Variants in GRM8 observed in about 807,000 individuals in gnomAD.
The protein encoded by GRM8 is metabotropic glutamate receptor 8.
Under a neutral mutation model 87.2 loss-of-function variants are expected in GRM8, and 47 were observed. That is an observed-to-expected ratio of 0.54 (90% CI 0.43 to 0.69). The LOEUF is 0.69. Ranked by LOEUF, GRM8 falls within the 30% of genes least tolerant of loss-of-function variation. GRM8 has a pLI of 0.00. For missense variants in GRM8, 1,019 were observed against 1,139.2 expected, an observed-to-expected ratio of 0.89 and a Z score of 1.52; for synonymous variants, 396 against 404.5, an observed-to-expected ratio of 0.98 and a Z score of 0.25.
intron 2 of GRM8, among the ~76,000 whole-genome samples, chr7:127,161,231 C>A (rs1793094638): frequency 6.6e-6 from 1 of 152,122 alleles, no homozygotes; most frequent in Admixed American, 6.5e-5. Context: ...TAAATCCCAC[C>A]TGTGTGGCCC....
At position 126,533,410 on chromosome 7, in the gene GRM8, C is replaced by G. The variant is rs1217106629; in HGVS notation, c.1972G>C (p.Gly658Arg). The change falls in exon 9 of 11, where the codon GGC becomes CGC. Residue 658 changes from glycine (G) to arginine (R), a missense_variant. Transcript: ENST00000339582. ...AGGGCTGCATAGCTGAAACACATGC[C>G]AAGTCCTAGGAAGACCCGTCGGAAG... ...CSFRRVFLGL[G>R]MCFSYAALLT... The G allele has an allele frequency of 1.2e-6, 2 of 1,613,804 alleles. No homozygotes were observed. Among genetic ancestry groups the G allele is most frequent in the East Asian group, 4.5e-5 (2 of 44,864 alleles).
chr7:126,818,185 A>G (rs1793970832), intron 6 of GRM8, among the ~76,000 whole-genome samples: 1 of 152,186 alleles, frequency 6.6e-6, no homozygotes, highest in South Asian at 2.1e-4. Flanking sequence ...TTAATAGAAC[A>G]TATATTAGTC....
chr7:126,921,176 G>A (rs1804487907), intron 3 of GRM8, among the ~76,000 whole-genome samples: 1 of 152,138 alleles, frequency 6.6e-6, no homozygotes, highest in Non-Finnish European at 1.5e-5. Context: ...TCAGAGACAA[G>A]AAGTGTGTCC....
In GRM8 at chr7:126,653,237, G is replaced by C. The variant is rs372162390; in HGVS notation, c.1358-43739C>G. ...GGATCACTTGATCCCAGGAGTTTGAGGCTGCAGTGAGCTACGATTGCCACT... is the reference window on the plus strand; with the variant it reads ...GGATCACTTGATCCCAGGAGTTTGACGCTGCAGTGAGCTACGATTGCCACT... On this transcript the variant is annotated intron_variant, in intron 7 of 10. Coordinates refer to ENST00000339582, the MANE Select transcript of GRM8 (RefSeq NM_000845.3). Among the ~76,000 whole-genome samples the C allele has an allele frequency of 2.8e-4, 42 of 149,824 alleles. 2 individuals are homozygous for C. In the East Asian group the frequency reaches 6.4e-3, roughly 23 times the overall value.
intron 2 of GRM8, among the ~76,000 whole-genome samples, chr7:127,223,752 C>A (rs572635699): frequency 6.6e-6 from 1 of 152,048 alleles, no homozygotes; most frequent in Non-Finnish European, 1.5e-5. Flanking sequence ...GACTCCTCCT[C>A]CTGGCAGCCA....
At chr7:126,745,229 G>T (rs886908862) in intron 7 of GRM8, among the ~76,000 whole-genome samples, 2 of 151,478 alleles carry the variant, frequency 1.3e-5, no homozygotes, top group East Asian at 3.9e-4. Context: ...TTTTCATTCT[G>T]TTGAGTTTGA....
In GRM8 at chr7:126,482,154, A is replaced by G. The variant is rs1806760555; in HGVS notation, c.2431-35782T>C. On this transcript the variant is annotated intron_variant, in intron 9 of 10. Coordinates refer to ENST00000339582, the MANE Select transcript of GRM8 (RefSeq NM_000845.3). ...CTACTACTATAAAAACGGAAAGCAC[A>G]TGTTGGTGAGAATATGGAGATATTG... is the stretch of plus-strand genomic sequence containing the variant. 2.6e-5 allele frequency among the ~76,000 whole-genome samples: 4 copies of G among 152,032 alleles called. No individual in the cohort carries two copies. The South Asian group carries it at 8.3e-4, about 31-fold the overall frequency.
intron 3 of GRM8, among the ~76,000 whole-genome samples, chr7:127,007,948 T>A (rs1292534225): frequency 1.3e-5 from 2 of 151,922 alleles, no homozygotes; most frequent in East Asian, 1.9e-4. Flanking sequence ...CCTAAAAGAG[T>A]CAATTTACCA....
chr7:127,245,374 G>C (rs1477750759), intron 1 of GRM8, among the ~76,000 whole-genome samples: 2 of 152,184 alleles, frequency 1.3e-5, no homozygotes, highest in Non-Finnish European at 2.9e-5. Context: ...ATGTCTAGGG[G>C]GAGTGGATGG....
chr7:126,475,941 T>C (rs961896192), intron 9 of GRM8, among the ~76,000 whole-genome samples: 2 of 152,180 alleles, frequency 1.3e-5, no homozygotes, highest in Non-Finnish European at 2.9e-5. Context: ...TTTTATCTTA[T>C]ATCATACATA....
At chr7:126,608,525 C>G (rs1169285650) in intron 8 of GRM8, among the ~76,000 whole-genome samples, 1 of 152,104 alleles carries the variant, frequency 6.6e-6, no homozygotes, top group African/African-American at 2.4e-5. Flanking sequence ...CTCACATGGC[C>G]ACTTGTGGAA....
chr7:126,982,095 G>A (rs564302457), intron 3 of GRM8, among the ~76,000 whole-genome samples: 1 of 152,338 alleles, frequency 6.6e-6, no homozygotes, highest in African/African-American at 2.4e-5. Flanking sequence ...AAGGAAGCCA[G>A]TCTGAGTCCC....
chr7:127,121,578 G>GA lies in GRM8; in HGVS notation c.511-14867dup, dbSNP rs563980226. Among the ~76,000 whole-genome samples the GA allele has an allele frequency of 1.2e-3, 189 of 152,150 alleles. 1 individual carries two copies. The highest frequency in any genetic ancestry group is 4.2e-3 in the African/African-American group (175 of 41,520). On this transcript the variant is annotated intron_variant, in intron 2 of 10. Transcript: ENST00000339582. Reference sequence around the variant, plus strand: ...AACTATCTAAGACTGAGTAATTTATGAAAAAAAGTCGTTTAATTGATTCAC... The same window carrying GA: ...AACTATCTAAGACTGAGTAATTTATGAAAAAAAAGTCGTTTAATTGATTCAC...
At chr7:126,693,519 A>G (rs1809040470) in intron 7 of GRM8, among the ~76,000 whole-genome samples, 2 of 152,174 alleles carry the variant, frequency 1.3e-5, no homozygotes, top group Admixed American at 1.3e-4. Flanking sequence ...TTGTTAAATT[A>G]TTATAAGCAA....
chr7:126,457,436 C>T (rs1291772292), intron 9 of GRM8, among the ~76,000 whole-genome samples: 1 of 151,252 alleles, frequency 6.6e-6, no homozygotes, highest in Non-Finnish European at 1.5e-5. Context: ...AAAAAATTAC[C>T]AGATGGCCAC....
At chr7:126,909,430 A>G (rs1253637748) in intron 3 of GRM8, among the ~76,000 whole-genome samples, 1 of 152,190 alleles carries the variant, frequency 6.6e-6, no homozygotes, top group Non-Finnish European at 1.5e-5. Flanking sequence ...TCATCAAAGA[A>G]TGTGTCCACC....
At chr7:126,548,456 A>G (rs1428371966) in intron 8 of GRM8, among the ~76,000 whole-genome samples, 1 of 152,208 alleles carries the variant, frequency 6.6e-6, no homozygotes, top group Non-Finnish European at 1.5e-5. Context: ...ATTTAAACAG[A>G]TAACTTTAAA....
rs1263560536 is a variant in GRM8 at position 126,904,210 on chromosome 7, T to C, written c.864-84A>G. The C allele has an allele frequency of 9.1e-6, 10 of 1,103,838 alleles. No individual in the cohort carries two copies. In the Admixed American group the frequency reaches 1.9e-4, roughly 21 times the overall value. 68.4% of individuals were successfully genotyped at this position (1,103,838 alleles called of 1,614,324 possible). A position where few individuals can be genotyped will look rare whatever the true frequency, so the allele number is the denominator to read the frequency against. ...ATATTACAAGACCAGATTTAGGAAG[T>C]TGTATACACTCAGTAGGTCACTGTT... is the stretch of plus-strand genomic sequence containing the variant. On this transcript the variant is annotated intron_variant, in intron 4 of 10. Transcript: ENST00000339582.
intron 2 of GRM8, among the ~76,000 whole-genome samples, chr7:127,224,274 G>A (rs1797170895): frequency 6.6e-6 from 1 of 152,118 alleles, no homozygotes; most frequent in African/African-American, 2.4e-5. Context: ...CCCACAAAAA[G>A]ACAAAGGAAA....
Sources: allele counts gnomAD v4.1 joint callset (sites outside exome capture counted in the v4.1 genomes callset), GRCh38; gene constraint gnomAD v4.1.1; transcripts MANE v1.5; gene names NCBI Gene and HGNC (gene_info 2026-07-23, HGNC 2026-07-21).